Variants in LEP observed in about 807,000 individuals in gnomAD.
The protein encoded by LEP is leptin (murine obesity homolog).
In LEP, 6 loss-of-function variants were observed where a neutral mutation model predicts 9.8. The observed-to-expected ratio is 0.61, with a 90% CI of 0.34 to 1.21. LEP has a LOEUF of 1.21. Among genes scored for constraint, LEP ranks in the 50% most tolerant of loss-of-function variants. The probability of loss-of-function intolerance (pLI) is 0.04; values close to 1 mark genes in which losing one functional copy is unlikely to be tolerated. For missense variants in LEP, 134 were observed against 198.1 expected (o/e 0.68, Z 1.94); for synonymous variants, 112 against 81.7 (o/e 1.37, Z -2.00).
Position 128,256,053 on chromosome 7 carries a change from C to T in LEP, c.*1290C>T, listed in dbSNP as rs1356891253. 6.6e-6 allele frequency: 1 copy of T among 152,210 alleles called. No individual in the cohort carries two copies. The highest frequency in any genetic ancestry group is 6.5e-5 in the Admixed American group (1 of 15,274). 9.4% of individuals were successfully genotyped at this position (152,210 alleles called of 1,614,324 possible). ...CTGGGTTTATTACATGGCAGTGTTC[C>T]TATTTGGGGCTTGCATGCCAAATTG... is the stretch of plus-strand genomic sequence containing the variant. On this transcript the variant is annotated 3_prime_UTR_variant, in exon 3 of 3. Coordinates refer to ENST00000308868, the MANE Select transcript of LEP (RefSeq NM_000230.3).
chr7:128,254,709 G>T lies in LEP; in HGVS notation c.450G>T (p.Leu150=). 6.2e-7 allele frequency: 1 copy of T among 1,613,548 alleles called. No homozygotes were observed. The highest frequency in any genetic ancestry group is 8.5e-7 in the Non-Finnish European group (1 of 1,179,952). The change falls in exon 3 of 3, where the codon CTG becomes CTT. Residue 150 remains leucine (L), a synonymous_variant. Coordinates refer to ENST00000308868, the MANE Select transcript of LEP (RefSeq NM_000230.3). The stretch of plus-strand genomic sequence containing the variant: ...CAGAGGTGGTGGCCCTGAGCAGGCT[G>T]CAGGGGTCTCTGCAGGACATGCTGT... ...YSTEVVALSR[L]QGSLQDMLWQ... is the part of the protein sequence containing the mutation.
rs1056500206 is a variant in LEP, at chr7:128,257,596, A to T, written c.*2833A>T. 1.3e-5 allele frequency: 2 copies of T among 149,890 alleles called. No individual in the cohort carries two copies. The highest frequency in any genetic ancestry group is 2.0e-4 in the East Asian group (1 of 5,080). 9.3% of individuals were successfully genotyped at this position (149,890 alleles called of 1,614,324 possible). ...AAAAAAAAAAAAAAAGTTTGTTTTT[A>T]AAAAAATCTAAATAAAATAACTTTG... On this transcript the variant is annotated 3_prime_UTR_variant, in exon 3 of 3. Transcript: ENST00000308868.
In LEP at chr7:128,254,945, C is replaced by T; in HGVS notation, c.*182C>T. The T allele has an allele frequency of 4.4e-6, 3 of 680,566 alleles. No homozygotes were observed. The highest frequency in any genetic ancestry group is 7.7e-6 in the Non-Finnish European group (3 of 389,360). 42.2% of individuals were successfully genotyped at this position (680,566 alleles called of 1,614,324 possible). A position where few individuals can be genotyped will look rare whatever the true frequency, so the allele number is the denominator to read the frequency against. On this transcript the variant is annotated 3_prime_UTR_variant, in exon 3 of 3. Coordinates refer to ENST00000308868, the MANE Select transcript of LEP (RefSeq NM_000230.3). The stretch of plus-strand genomic sequence containing the variant: ...ACCCTAAGCCTCCTTTTGCTTGAAA[C>T]CAAAGATATATACACAGGATCCTAT...
At chr7:128,249,978 T>C (rs1210745921) in intron 1 of LEP, among the ~76,000 whole-genome samples, 1 of 152,214 alleles carries the variant, frequency 6.6e-6, no homozygotes, top group Non-Finnish European at 1.5e-5. Flanking sequence ...TAAAACTGTT[T>C]TTCCACTTAG....
At chr7:128,244,022 G>A (rs1316134941) in intron 1 of LEP, among the ~76,000 whole-genome samples, 3 of 152,036 alleles carry the variant, frequency 2.0e-5, no homozygotes, top group Admixed American at 6.6e-5. Flanking sequence ...GCCAAGGCAG[G>A]TGGATCACTG....
intron 1 of LEP, among the ~76,000 whole-genome samples, chr7:128,243,857 C>T (rs1310807047): frequency 6.6e-6 from 1 of 152,154 alleles, no homozygotes; most frequent in East Asian, 1.9e-4. Flanking sequence ...GGAACAGGTA[C>T]AGAGATACAG....
At chr7:128,241,938 C>A (rs1283480085) in intron 1 of LEP, among the ~76,000 whole-genome samples, 2 of 151,650 alleles carry the variant, frequency 1.3e-5, no homozygotes, top group Admixed American at 1.3e-4. Context: ...AAATTGCCTT[C>A]TTTGCAATGC....
At chr7:128,248,189 G>T (rs1263191664) in intron 1 of LEP, among the ~76,000 whole-genome samples, 1 of 152,156 alleles carries the variant, frequency 6.6e-6, no homozygotes, top group East Asian at 1.9e-4. Flanking sequence ...CCAGCACTTT[G>T]GGAGGCCAAG....
At chr7:128,245,503 A>G (rs1795200773) in intron 1 of LEP, among the ~76,000 whole-genome samples, 2 of 152,194 alleles carry the variant, frequency 1.3e-5, no homozygotes, top group African/African-American at 4.8e-5. Context: ...CTCATCCCCA[A>G]GTCCCTTCCA....
At chr7:128,254,320 C>T in intron 2 of LEP, 84 bp from the exon 3 acceptor site, 1 of 1,574,082 alleles carries the variant, frequency 6.4e-7, no homozygotes, top group Non-Finnish European at 8.6e-7. Context: ...GAATGACCCT[C>T]CATGCCCACG....
chr7:128,253,269 G>A (rs1795296201), intron 2 of LEP, among the ~76,000 whole-genome samples: 2 of 152,138 alleles, frequency 1.3e-5, no homozygotes, highest in South Asian at 2.1e-4. Context: ...ACCCAAAAGA[G>A]CGAGTCTACC....
In LEP at chr7:128,252,162, G is replaced by A. The variant is rs1800583; in HGVS notation, c.144G>A (p.Thr48=). ...IVTRINDISH[T]QSVSSKQKVT... ...CCAGGATCAATGACATTTCACACAC[G>A]GTAAGGAGAGTATGCGGGGACAAAG... Residue 48 remains threonine, a splice_region_variant and synonymous_variant, in exon 2 of 3, where the codon ACG becomes ACA. Coordinates refer to ENST00000308868, the MANE Select transcript of LEP (RefSeq NM_000230.3). The A allele has an allele frequency of 5.1e-5, 83 of 1,613,996 alleles. No individual in the cohort carries two copies. The highest frequency in any genetic ancestry group is 1.8e-5 in the Non-Finnish European group (21 of 1,180,026).
chr7:128,244,373 A>G (rs1795186874), intron 1 of LEP, among the ~76,000 whole-genome samples: 1 of 152,178 alleles, frequency 6.6e-6, no homozygotes, highest in Admixed American at 6.5e-5. Context: ...CCCTGTACTC[A>G]CACCCTCTCT....
chr7:128,249,162 T>A (rs1562931168), intron 1 of LEP, among the ~76,000 whole-genome samples: 1 of 152,156 alleles, frequency 6.6e-6, no homozygotes. Context: ...TAATGCCCAC[T>A]CTTTTCTGAT....
chr7:128,242,606 A>T (rs1268823571), intron 1 of LEP, among the ~76,000 whole-genome samples: 5 of 152,206 alleles, frequency 3.3e-5, no homozygotes, highest in Non-Finnish European at 7.3e-5. Context: ...CATTGGGCTG[A>T]GGGGAACATT....
chr7:128,254,278 TG>T, intron 2 of LEP, 125 bp from the exon 3 acceptor site: 1 of 1,243,388 alleles, frequency 8.0e-7, no homozygotes, highest in South Asian at 1.2e-5. Context: ...TGAGCCAAAG[TG>T]GTGAGGGAGG....
Position 128,254,752 on chromosome 7 carries a change from C to T in LEP, c.493C>T (p.Pro165Ser), listed in dbSNP as rs1468690969. 1 of 1,610,138 alleles carries T rather than the reference C, an allele frequency of 6.2e-7. No individual in the cohort carries two copies. The highest frequency in any genetic ancestry group is 1.1e-5 in the South Asian group (1 of 91,054). ...CATGCTGTGGCAGCTGGACCTCAGC[C>T]CTGGGTGCTGAGGCCTTGAAGGTCA... ...QDMLWQLDLS[P>S]GC Residue 165 changes from proline to serine, a missense_variant, in exon 3 of 3, where the codon CCT becomes TCT. By Grantham distance (74) the Pro-to-Ser change is moderately conservative (BLOSUM62 -1). Transcript: ENST00000308868.
At chr7:128,247,908 G>A (rs1584604306) in intron 1 of LEP, among the ~76,000 whole-genome samples, 1 of 152,346 alleles carries the variant, frequency 6.6e-6, no homozygotes, top group East Asian at 1.9e-4. Flanking sequence ...TAGCTCTGAG[G>A]AACTCTAGCA....
At chr7:128,247,523 G>A (rs970102567) in intron 1 of LEP, among the ~76,000 whole-genome samples, 7 of 152,050 alleles carry the variant, frequency 4.6e-5, no homozygotes, top group Non-Finnish European at 8.8e-5. Context: ...AGCCCTCCCC[G>A]GCTCCTCACC....
Sources: allele counts gnomAD v4.1 joint callset (sites outside exome capture counted in the v4.1 genomes callset), GRCh38; gene constraint gnomAD v4.1.1; transcripts MANE v1.5; gene names NCBI Gene and HGNC (gene_info 2026-07-23, HGNC 2026-07-21).